NFE2L3: variants seen among roughly 807,000 people sequenced by gnomAD.
NFE2L3 encodes NFE2 like bZIP transcription factor 3, also known as nuclear factor erythroid 2-related factor 3.
NFE2L3 carries 18 observed loss-of-function variants against 23.5 expected under a neutral mutation model. That is an observed-to-expected ratio of 0.77 (90% CI 0.53 to 1.13). NFE2L3 has a LOEUF of 1.13. NFE2L3 is among the 50% of genes most tolerant of loss of function. The pLI is 0.00. For missense variants in NFE2L3, 1,152 were observed against 877.2 expected, an observed-to-expected ratio of 1.31 and a Z score of -3.96; for synonymous variants, 424 against 354.5, an observed-to-expected ratio of 1.20 and a Z score of -2.20.
chr7:26,164,067 T>C (rs1025528484), intron 1 of NFE2L3, among the ~76,000 whole-genome samples: 3 of 152,248 alleles, frequency 2.0e-5, no homozygotes, highest in African/African-American at 4.8e-5. Flanking sequence ...TGTTGGACAT[T>C]TGGGTTGGTT....
intron 1 of NFE2L3, among the ~76,000 whole-genome samples, chr7:26,169,359 G>T (rs1784300817): frequency 6.6e-6 from 1 of 152,202 alleles, no homozygotes; most frequent in Admixed American, 6.5e-5. Context: ...GATGCAGGCT[G>T]GCAGAACCCA....
At chr7:26,183,809 C>G in intron 3 of NFE2L3, 25 bp downstream of exon 3, 1 of 1,468,110 alleles carries the variant, frequency 6.8e-7, no homozygotes, top group Non-Finnish European at 9.6e-7. Flanking sequence ...GGCTTTTATC[C>G]TCGCAGGAAC....
At chr7:26,153,839 G>A (rs1033390799) in intron 1 of NFE2L3, among the ~76,000 whole-genome samples, 1 of 152,196 alleles carries the variant, frequency 6.6e-6, no homozygotes, top group African/African-American at 2.4e-5. Context: ...GAACGTTTGA[G>A]TTCAGTCTAA....
rs774651066 is a variant in NFE2L3 at position 26,184,871 on chromosome 7, G to C, written c.1173G>C (p.Glu391Asp). The C allele has an allele frequency of 2.2e-5, 36 of 1,613,798 alleles. No individual in the cohort carries two copies. In the Middle Eastern group the frequency reaches 9.9e-4, roughly 44 times the overall value. ...ACCTTGACATAAATATATTTGATGA[G>C]ATAAACTTAATGTCATTGGCCACAG... ...LYDLDINIFD[E>D]INLMSLATED... Residue 391 changes from glutamate to aspartate, a missense_variant, in exon 4 of 4, where the codon GAG becomes GAC. Glu to Asp is a conservative substitution (Grantham distance 45, BLOSUM62 2). Transcript: ENST00000056233.
Position 26,184,518 on chromosome 7 carries a change from T to G in NFE2L3, c.835-15T>G. ...GGGCTATTCATGTTTGAAGTGTTTC[T>G]CCTTCGTTTTTCAGGGCATCTCATT... On this transcript the variant is annotated splice_polypyrimidine_tract_variant and intron_variant, in intron 3 of 3. Transcript: ENST00000056233. 1.3e-6 allele frequency: 2 copies of G among 1,593,886 alleles called. No individual in the cohort carries two copies. Among genetic ancestry groups the G allele is most frequent in the South Asian group, 2.3e-5 (2 of 87,532 alleles).
intron 1 of NFE2L3, among the ~76,000 whole-genome samples, chr7:26,163,750 G>A (rs1784205887): frequency 6.6e-6 from 1 of 152,146 alleles, no homozygotes; most frequent in South Asian, 2.1e-4. Flanking sequence ...TTGGTGTGCT[G>A]TACCCATTAA....
chr7:26,185,982 G>A lies in NFE2L3; in HGVS notation c.*199G>A, dbSNP rs1479131146. 27 of 482,798 alleles carry A rather than the reference G, an allele frequency of 5.6e-5. No homozygotes were observed. The highest frequency in any genetic ancestry group is 1.2e-4 in the Admixed American group (3 of 25,966). 29.9% of individuals were successfully genotyped at this position (482,798 alleles called of 1,614,324 possible). On this transcript the variant is annotated 3_prime_UTR_variant, in exon 4 of 4. Coordinates refer to ENST00000056233, the MANE Select transcript of NFE2L3 (RefSeq NM_004289.7). ...TCACACTTGTGGGCAATCTGGGGGA[G>A]CCACAACTTTTCATGAAGTGCATTG...
intron 1 of NFE2L3, among the ~76,000 whole-genome samples, chr7:26,166,987 G>T (rs1289309951): frequency 2.0e-5 from 3 of 152,162 alleles, no homozygotes; most frequent in African/African-American, 7.2e-5. Flanking sequence ...GTATTTTCAG[G>T]GGCAAACCCT....
In NFE2L3 at chr7:26,184,752, C is replaced by T. The variant is rs1364909434; in HGVS notation, c.1054C>T (p.Pro352Ser). The change falls in exon 4 of 4, where the codon CCT becomes TCT. Residue 352 changes from proline to serine, a missense_variant. Physicochemically the swap from Pro to Ser is moderately conservative, Grantham distance 74. Transcript: ENST00000056233. Reference protein sequence around the residue: ...FLQLNSHTTNPEQTLPGTNLT... With the variant: ...FLQLNSHTTNSEQTLPGTNLT... ...GCAGTTAAATTCTCATACCACCAAT[C>T]CTGAGCAAACCCTTCCTGGAACTAA... is the stretch of plus-strand genomic sequence containing the variant. The T allele has an allele frequency of 2.5e-6, 4 of 1,613,912 alleles. No homozygotes were observed. Among genetic ancestry groups the T allele is most frequent in the Non-Finnish European group, 2.5e-6 (3 of 1,179,834 alleles).
At chr7:26,184,390 A>G in intron 3 of NFE2L3, 143 bp from the exon 4 acceptor site, 1 of 697,056 alleles carries the variant, frequency 1.4e-6, no homozygotes, top group Non-Finnish European at 2.4e-6. Context: ...GCCTGTATTT[A>G]ACTAGGAAGT....
Position 26,177,997 on chromosome 7 carries a change from G to A in NFE2L3, c.625G>A (p.Glu209Lys). The change falls in exon 2 of 4, where the codon GAG becomes AAG. Residue 209 changes from glutamate (E) to lysine (K), a missense_variant. By Grantham distance (56) the Glu-to-Lys change is moderately conservative. Coordinates refer to ENST00000056233, the MANE Select transcript of NFE2L3 (RefSeq NM_004289.7). ...HEAVDHSSQH[E>K]ENEERVSAQK... Reference sequence around the variant, plus strand: ...AGCTGTGGATCATAGTTCCCAGCATGAGGAAAATGAAGAAAGGGTGTCAGC... The same window carrying A: ...AGCTGTGGATCATAGTTCCCAGCATAAGGAAAATGAAGAAAGGGTGTCAGC... 3 of 1,614,150 alleles carry A rather than the reference G, an allele frequency of 1.9e-6. No homozygotes were observed. The highest frequency in any genetic ancestry group is 1.7e-6 in the Non-Finnish European group (2 of 1,179,994).
In NFE2L3 at chr7:26,185,285, A is replaced by AGACACAGATAGAAACTTG. The variant is rs1373171749; in HGVS notation, c.1588_1605dup (p.Asp530_Leu535dup). On this transcript the variant is annotated inframe_insertion, in exon 4 of 4. Coordinates refer to ENST00000056233, the MANE Select transcript of NFE2L3 (RefSeq NM_004289.7). ...AGAAGATAAGGAGTAGATACCTTGA[A>AGACACAGATAGAAACTTG]GACACAGATAGAAACTTGAGCCGTG... The AGACACAGATAGAAACTTG allele has an allele frequency of 6.2e-7, 1 of 1,614,042 alleles. No homozygotes were observed. Among genetic ancestry groups the AGACACAGATAGAAACTTG allele is most frequent in the African/African-American group, 1.3e-5 (1 of 74,942 alleles).
At chr7:26,179,934 GAGTCTTCCTCTTGACAGGGGCAA>G (rs1784477430) in intron 2 of NFE2L3, among the ~76,000 whole-genome samples, 1 of 152,090 alleles carries the variant, frequency 6.6e-6, no homozygotes, top group African/African-American at 2.4e-5. Flanking sequence ...CCACAGCTGG[GAGTCTTCCTCTTGACAGGGGCAA>G]ATGCATCTCC....
At chr7:26,176,943 CT>C (rs1784420993) in intron 1 of NFE2L3, among the ~76,000 whole-genome samples, 2 of 95,832 alleles carry the variant, frequency 2.1e-5, no homozygotes, top group African/African-American at 8.0e-5. Flanking sequence ...GGCAGAGATG[CT>C]CCTCACTTCC....
At chr7:26,164,895 C>A (rs1199122609) in intron 1 of NFE2L3, among the ~76,000 whole-genome samples, 1 of 152,190 alleles carries the variant, frequency 6.6e-6, no homozygotes, top group Non-Finnish European at 1.5e-5. Context: ...GTTTTCCCAG[C>A]ACCATTTATT....
At chr7:26,184,491 T>C in intron 3 of NFE2L3, 42 bp from the exon 4 acceptor site, 1 of 1,542,938 alleles carries the variant, frequency 6.5e-7, no homozygotes, top group African/African-American at 1.4e-5. Context: ...GCTTCAGAAA[T>C]AGGGCTATTC....
chr7:26,183,000 T>TCCTG (rs1308853699), intron 2 of NFE2L3, among the ~76,000 whole-genome samples: 1 of 152,046 alleles, frequency 6.6e-6, no homozygotes, highest in East Asian at 1.9e-4. Context: ...TTGCCCAAGC[T>TCCTG]GGTCTCCAAC....
intron 1 of NFE2L3, among the ~76,000 whole-genome samples, chr7:26,169,836 G>A (rs1784310306): frequency 1.3e-5 from 2 of 152,152 alleles, no homozygotes. Context: ...GGTGGCTCAC[G>A]CCTGTAATCC....
Position 26,185,612 on chromosome 7 carries a change from G to C in NFE2L3, c.1914G>C (p.Leu638=), listed in dbSNP as rs752784469. 9.3e-6 allele frequency: 15 copies of C among 1,613,700 alleles called. No homozygotes were observed. In the African/African-American group the frequency reaches 1.9e-4, roughly 20 times the overall value. The change falls in exon 4 of 4, where the codon CTG becomes CTC. Residue 638 remains leucine, a synonymous_variant. Transcript: ENST00000056233. The part of the protein sequence containing the change: ...NKAINIMKQK[L]HDLYHDIFSR... ...CTATTAACATAATGAAACAGAAACT[G>C]CATGACCTTTATCATGATATTTTTA...
Sources: gnomAD v4.1 joint callset for allele counts (sites outside exome capture counted in the v4.1 genomes callset) on GRCh38, gnomAD v4.1.1 for gene constraint, MANE v1.5 for transcripts, NCBI Gene and HGNC (gene_info 2026-07-23, HGNC 2026-07-21) for gene names.